Variants in CDH18 observed in about 807,000 individuals in gnomAD.
CDH18 encodes the protein cadherin-18.
In CDH18, 31 loss-of-function variants were observed where a neutral mutation model predicts 67.9. The ratio of observed to expected loss-of-function variants is 0.46; its 90% CI spans 0.34 to 0.62. CDH18 has a LOEUF of 0.62. Among genes scored for constraint, CDH18 ranks in the 20% least tolerant of loss-of-function variants. CDH18 has a pLI of 0.01. For synonymous variants in CDH18, 362 were observed against 347.2 expected (o/e 1.04, Z -0.48); for missense variants, 890 against 975.5 (o/e 0.91, Z 1.17).
intron 2 of CDH18, among the ~76,000 whole-genome samples, chr5:20,031,723 C>A (rs1739414568): frequency 6.6e-6 from 1 of 151,934 alleles, no homozygotes; most frequent in African/African-American, 2.4e-5. Flanking sequence ...TTTTTAGAGA[C>A]TAAGAATAGA....
chr5:19,613,083 T>C lies in CDH18; in HGVS notation c.644-482A>G, dbSNP rs1229480903. On this transcript the variant is annotated intron_variant, in intron 5 of 12. Coordinates refer to ENST00000382275, the MANE Select transcript of CDH18 (RefSeq NM_004934.5). ...TCGCTTGAACCCAGAAGACGGAGGT[T>C]GCAGTGAGCGGAGATCACGCCACTG... 5.9e-5 allele frequency among the ~76,000 whole-genome samples: 9 copies of C among 152,192 alleles called. No homozygotes were observed. In the East Asian group the frequency reaches 1.7e-3, roughly 29 times the overall value.
At chr5:20,155,440 C>T (rs771529681) in intron 2 of CDH18, among the ~76,000 whole-genome samples, 11 of 151,800 alleles carry the variant, frequency 7.2e-5, no homozygotes, top group South Asian at 2.1e-4. Context: ...TTTTTCCTTG[C>T]GGAGCTTTTT....
At chr5:20,512,960 C>A (rs1755139666) in intron 1 of CDH18, among the ~76,000 whole-genome samples, 1 of 151,852 alleles carries the variant, frequency 6.6e-6, no homozygotes, top group East Asian at 1.9e-4. Flanking sequence ...TTTCTACATG[C>A]ACTCGTCAGT....
At chr5:20,122,475 G>T (rs978732263) in intron 2 of CDH18, among the ~76,000 whole-genome samples, 1 of 152,242 alleles carries the variant, frequency 6.6e-6, no homozygotes. Context: ...TAAATATAGA[G>T]AAACTATTAA....
chr5:20,280,959 T>G (rs1746213479), intron 1 of CDH18, among the ~76,000 whole-genome samples: 1 of 152,230 alleles, frequency 6.6e-6, no homozygotes, highest in Admixed American at 6.5e-5. Flanking sequence ...TGATGGCCAG[T>G]GATGATGAGC....
chr5:20,093,406 AC>A (rs1479436257), intron 2 of CDH18, among the ~76,000 whole-genome samples: 1 of 151,304 alleles, frequency 6.6e-6, no homozygotes, highest in African/African-American at 2.4e-5. Context: ...ATACACGTAT[AC>A]AAAATCTTGG....
At chr5:20,128,453 G>A (rs958649565) in intron 2 of CDH18, among the ~76,000 whole-genome samples, 1 of 152,070 alleles carries the variant, frequency 6.6e-6, no homozygotes, top group Non-Finnish European at 1.5e-5. Flanking sequence ...TCAAATGAGG[G>A]CTACCATGGA....
intron 1 of CDH18, among the ~76,000 whole-genome samples, chr5:20,360,587 C>G (rs530575638): frequency 6.6e-6 from 1 of 152,198 alleles, no homozygotes; most frequent in South Asian, 2.1e-4. Flanking sequence ...GTGGAATATT[C>G]CTTAAAATTG....
chr5:19,862,578 T>A (rs2149985739), intron 2 of CDH18, among the ~76,000 whole-genome samples: 1 of 152,320 alleles, frequency 6.6e-6, no homozygotes, highest in South Asian at 2.1e-4. Context: ...GTGAACAGCT[T>A]ACATTATTTA....
intron 2 of CDH18, among the ~76,000 whole-genome samples, chr5:20,056,469 C>T (rs374005769): frequency 0.016 from 267 of 16,536 alleles, no homozygotes; most frequent in Non-Finnish European, 0.022. Context: ...TCTTTATTTT[C>T]TTTCTTTTGT....
At chr5:19,623,268 C>T (rs1035551629) in intron 5 of CDH18, among the ~76,000 whole-genome samples, 13 of 152,124 alleles carry the variant, frequency 8.5e-5, no homozygotes, top group South Asian at 2.1e-4. Context: ...ACATAGAACA[C>T]GACTTCCTGT....
chr5:20,080,323 A>G lies in CDH18; in HGVS notation c.-517-88309T>C, dbSNP rs566782483. Reference sequence around the variant, plus strand: ...CTTTTTTTGTTGCACCCAAAGCACCATTTGCTTAACTGCAAAGTAATATAA... The same window carrying G: ...CTTTTTTTGTTGCACCCAAAGCACCGTTTGCTTAACTGCAAAGTAATATAA... On this transcript the variant is annotated intron_variant, in intron 2 of 14. Transcript: ENST00000507958. Among the ~76,000 whole-genome samples, 63 of 152,266 alleles carry G rather than the reference A, an allele frequency of 4.1e-4. 1 individual carries two copies. Among genetic ancestry groups the G allele is most frequent in the African/African-American group, 1.4e-3 (57 of 41,562 alleles).
At chr5:20,332,734 C>T (rs1739296335) in intron 1 of CDH18, among the ~76,000 whole-genome samples, 1 of 152,142 alleles carries the variant, frequency 6.6e-6, no homozygotes, top group Non-Finnish European at 1.5e-5. Flanking sequence ...ACTATACCTA[C>T]ATTTCATAAA....
chr5:19,748,132 A>AAAAAAAAAAAAAAAAAAAAAAAAAAAAAC (rs1561215815), intron 3 of CDH18, among the ~76,000 whole-genome samples: 1 of 144,332 alleles, frequency 6.9e-6, no homozygotes, highest in East Asian at 2.2e-4. Context: ...AAAAAAAAAA[A>AAAAAAAAAAAAAAAAAAAAAAAAAAAAAC]AGAGTACTTT....
rs114156100 is a variant in CDH18 at position 20,445,975 on chromosome 5, G to A, written c.-580+129487C>T. On this transcript the variant is annotated intron_variant, in intron 1 of 14. Transcript: ENST00000507958. Reference sequence around the variant, plus strand: ...ATGGGGCTTGGTGGGGGGAGTTGAGGTTTGGGCTGTGTCTGAACGAAAGGA... The same window carrying A: ...ATGGGGCTTGGTGGGGGGAGTTGAGATTTGGGCTGTGTCTGAACGAAAGGA... Among the ~76,000 whole-genome samples the A allele has an allele frequency of 5.5e-3, 840 of 152,156 alleles. 6 individuals are homozygous for A. The highest frequency in any genetic ancestry group is 0.019 in the African/African-American group (808 of 41,504).
chr5:20,001,514 A>C (rs1736435306), intron 2 of CDH18, among the ~76,000 whole-genome samples: 2 of 152,314 alleles, frequency 1.3e-5, no homozygotes, highest in South Asian at 4.1e-4. Context: ...ACAAGCTAAA[A>C]AGAGAACAGT....
chr5:19,899,399 CA>C (rs57987551), intron 2 of CDH18, among the ~76,000 whole-genome samples: 157 of 136,980 alleles, frequency 1.1e-3, no homozygotes, highest in East Asian at 2.0e-3. Context: ...GACTCCATTT[CA>C]AAAAAAAAAA....
At chr5:19,962,105 C>A (rs534731122) in intron 2 of CDH18, among the ~76,000 whole-genome samples, 3 of 151,822 alleles carry the variant, frequency 2.0e-5, no homozygotes, top group African/African-American at 7.2e-5. Flanking sequence ...TTGATTTCCC[C>A]AATATTGTCA....
chr5:20,546,273 C>T (rs1757337562), intron 1 of CDH18, among the ~76,000 whole-genome samples: 2 of 152,104 alleles, frequency 1.3e-5, no homozygotes, highest in Non-Finnish European at 2.9e-5. Context: ...TCTTCTGAGC[C>T]TTCCAAACTT....
Sources: gnomAD v4.1 joint callset for allele counts (sites outside exome capture counted in the v4.1 genomes callset) on GRCh38, gnomAD v4.1.1 for gene constraint, MANE v1.5 for transcripts, NCBI Gene and HGNC (gene_info 2026-07-23, HGNC 2026-07-21) for gene names.